PCDH15: variants seen among roughly 807,000 people sequenced by gnomAD.
The protein encoded by PCDH15 is protocadherin related 15, also known as protocadherin-15.
A neutral mutation model predicts 178.5 loss-of-function variants in PCDH15; 129 were observed. The ratio of observed to expected loss-of-function variants is 0.72; its 90% CI spans 0.63 to 0.84. PCDH15 has a LOEUF of 0.84. PCDH15 is among the 40% of genes least tolerant of loss of function. PCDH15 has a pLI of 0.00. For synonymous variants in PCDH15, 800 were observed against 732.0 expected (o/e 1.09, Z -1.50); for missense variants, 2,230 against 2,099.9 (o/e 1.06, Z -1.21).
At chr10:55,621,460 T>C (rs1216341821) in intron 2 of PCDH15, among the ~76,000 whole-genome samples, 1 of 152,164 alleles carries the variant, frequency 6.6e-6, no homozygotes, top group African/African-American at 2.4e-5. Flanking sequence ...TGTTAGGAAC[T>C]GGGCCTCACA....
chr10:54,294,019 G>A lies in PCDH15; in HGVS notation c.876+23252C>T, dbSNP rs550985863. Among the ~76,000 whole-genome samples the A allele has an allele frequency of 1.2e-4, 18 of 152,208 alleles. No individual in the cohort carries two copies. In the East Asian group the frequency reaches 1.9e-3, roughly 16 times the overall value. On this transcript the variant is annotated intron_variant, in intron 8 of 37. Transcript: ENST00000644397. ...TGCTACTATAAAGACACATGCACAC[G>A]TATGTTTATTGCAGCACTATTCACA...
intron 17 of PCDH15, among the ~76,000 whole-genome samples, chr10:54,074,055 T>A (rs1438761721): frequency 2.0e-5 from 3 of 152,314 alleles, no homozygotes; most frequent in Non-Finnish European, 4.4e-5. Context: ...GTATAGAGAA[T>A]TGACGTCTAG....
intron 2 of PCDH15, among the ~76,000 whole-genome samples, chr10:54,899,746 C>T (rs1041244373): frequency 5.9e-5 from 9 of 152,058 alleles, no homozygotes; most frequent in Admixed American, 2.0e-4. Flanking sequence ...CCGTCCACCT[C>T]GGCCTCCCAA....
chr10:54,068,220 T>G (rs190539949), intron 17 of PCDH15, among the ~76,000 whole-genome samples: 1 of 152,240 alleles, frequency 6.6e-6, no homozygotes, highest in East Asian at 1.9e-4. Context: ...TATAAATTTT[T>G]TCATGCACAG....
chr10:54,487,612 A>G (rs1370547922), intron 3 of PCDH15, among the ~76,000 whole-genome samples: 1 of 152,084 alleles, frequency 6.6e-6, no homozygotes, highest in Non-Finnish European at 1.5e-5. Context: ...TTTTCTATCT[A>G]GATTTATATA....
intron 2 of PCDH15, among the ~76,000 whole-genome samples, chr10:54,985,624 C>G (rs1839344813): frequency 6.6e-6 from 1 of 152,186 alleles, no homozygotes; most frequent in Non-Finnish European, 1.5e-5. Flanking sequence ...AGGTGACTGA[C>G]TAGAAGCTGT....
Position 54,819,970 on chromosome 10 carries a change from T to A in PCDH15, c.-29+77480A>T, listed in dbSNP as rs534632804. Among the ~76,000 whole-genome samples, 4 of 151,632 alleles carry A rather than the reference T, an allele frequency of 2.6e-5. No homozygotes were observed. The South Asian group carries it at 8.3e-4, about 32-fold the overall frequency. Reference sequence around the variant, plus strand: ...TCATTTAGCCTTATAACTAAAGCATTACTTGATTAAAGTAGTATCAACTGC... The same window carrying A: ...TCATTTAGCCTTATAACTAAAGCATAACTTGATTAAAGTAGTATCAACTGC... On this transcript the variant is annotated intron_variant, in intron 3 of 5. Transcript: ENST00000458638.
At chr10:55,450,583 T>A (rs1366668767) in intron 2 of PCDH15, among the ~76,000 whole-genome samples, 1 of 151,960 alleles carries the variant, frequency 6.6e-6, no homozygotes, top group Non-Finnish European at 1.5e-5. Context: ...GTTGTACAAT[T>A]TTTTTTTACT....
chr10:54,747,187 GTAC>G, intron 1 of PCDH15, among the ~76,000 whole-genome samples: 1 of 152,160 alleles, frequency 6.6e-6, no homozygotes, highest in East Asian at 1.9e-4. Context: ...AACTGTTTAG[GTAC>G]TACACACCAT....
At chr10:55,541,729 C>A (rs550745385) in intron 2 of PCDH15, among the ~76,000 whole-genome samples, 26 of 151,962 alleles carry the variant, frequency 1.7e-4, no homozygotes, top group Middle Eastern at 6.8e-3. Flanking sequence ...CAAATTGACA[C>A]TATTCATTTT....
At chr10:54,190,160 A>C (rs1474700884) in intron 11 of PCDH15, among the ~76,000 whole-genome samples, 1 of 152,094 alleles carries the variant, frequency 6.6e-6, no homozygotes, top group Non-Finnish European at 1.5e-5. Flanking sequence ...AAAGGGAGAA[A>C]CACAACTTAA....
intron 13 of PCDH15, among the ~76,000 whole-genome samples, chr10:54,172,443 G>A (rs1590949130): frequency 6.6e-6 from 1 of 152,078 alleles, no homozygotes; most frequent in Non-Finnish European, 1.5e-5. Context: ...GCACCCGGGT[G>A]AAATAAACAG....
chr10:54,288,922 C>T (rs906342667), intron 8 of PCDH15, among the ~76,000 whole-genome samples: 52 of 152,244 alleles, frequency 3.4e-4, no homozygotes, highest in Admixed American at 3.3e-3. Flanking sequence ...ATAGACTCCA[C>T]ATATTTGGGC....
intron 3 of PCDH15, among the ~76,000 whole-genome samples, chr10:54,388,420 T>C (rs1474841278): frequency 6.6e-6 from 1 of 152,184 alleles, no homozygotes; most frequent in African/African-American, 2.4e-5. Flanking sequence ...ACTTTCATCT[T>C]CACTTCAAGT....
At chr10:54,329,433 C>G (rs983566978) in intron 7 of PCDH15, among the ~76,000 whole-genome samples, 163 bp downstream of exon 7, 19 of 151,796 alleles carry the variant, frequency 1.3e-4, no homozygotes, top group African/African-American at 4.6e-4. Flanking sequence ...CTATTCTATC[C>G]CTTTCTCCAT....
intron 3 of PCDH15, among the ~76,000 whole-genome samples, chr10:54,464,355 A>T (rs892351734): frequency 6.6e-6 from 1 of 152,306 alleles, no homozygotes; most frequent in Non-Finnish European, 1.5e-5. Context: ...GTGCTTATAT[A>T]TAAATATAAA....
chr10:54,381,498 G>A (rs2135108204), intron 3 of PCDH15, among the ~76,000 whole-genome samples: 1 of 152,172 alleles, frequency 6.6e-6, no homozygotes, highest in African/African-American at 2.4e-5. Context: ...TTTGCTTAAT[G>A]TGTTTCATTT....
chr10:54,501,484 T>A (rs181350799), intron 3 of PCDH15, among the ~76,000 whole-genome samples: 1 of 152,262 alleles, frequency 6.6e-6, no homozygotes, highest in East Asian at 1.9e-4. Flanking sequence ...GATAATTGAT[T>A]TCCACAGTGT....
intron 21 of PCDH15, among the ~76,000 whole-genome samples, chr10:53,970,069 T>G (rs2089507421): frequency 1.3e-5 from 2 of 152,056 alleles, no homozygotes; most frequent in Non-Finnish European, 2.9e-5. Flanking sequence ...ACTGGCAAAC[T>G]GGATAAAGAG....
Sources: allele counts gnomAD v4.1 joint callset (sites outside exome capture counted in the v4.1 genomes callset), GRCh38; gene constraint gnomAD v4.1.1; transcripts MANE v1.5; gene names NCBI Gene and HGNC (gene_info 2026-07-23, HGNC 2026-07-21).